The following MORC1 variants were observed in gnomAD, a reference collection of about 807,000 sequenced individuals.
The protein encoded by MORC1 is MORC family CW-type zinc finger 1.
Under a neutral mutation model 134.9 loss-of-function variants are expected in MORC1, and 59 were observed. That is an observed-to-expected ratio of 0.44 (90% CI 0.35 to 0.54). The LOEUF (loss-of-function observed/expected upper bound fraction) is 0.54. Ranked by LOEUF, MORC1 falls within the 20% of genes least tolerant of loss-of-function variation. The pLI is 0.00. For synonymous variants in MORC1, 395 were observed against 391.7 expected, an observed-to-expected ratio of 1.01 and a Z score of -0.10; for missense variants, 947 against 1,134.5, an observed-to-expected ratio of 0.83 and a Z score of 2.37.
chr3:109,024,962 T>C (rs1483364967), intron 17 of MORC1, among the ~76,000 whole-genome samples: 1 of 152,200 alleles, frequency 6.6e-6, no homozygotes, highest in South Asian at 2.1e-4. Flanking sequence ...GAACATTGCA[T>C]GGTTTTTAGT....
intron 1 of MORC1, among the ~76,000 whole-genome samples, chr3:109,115,960 G>A (rs961357173): frequency 2.0e-5 from 3 of 152,160 alleles, no homozygotes; most frequent in African/African-American, 7.2e-5. Context: ...TGAAGGATGA[G>A]AGAATTCACT....
chr3:109,034,507 C>A (rs1433687158), intron 15 of MORC1, among the ~76,000 whole-genome samples: 1 of 152,170 alleles, frequency 6.6e-6, no homozygotes, highest in Non-Finnish European at 1.5e-5. Flanking sequence ...CTTATCCTGA[C>A]ATTCAAGAAT....
At chr3:108,969,636 G>A (rs768799602) in intron 26 of MORC1, 33 bp downstream of exon 26, 9 of 1,570,876 alleles carry the variant, frequency 5.7e-6, no homozygotes, top group Non-Finnish European at 7.9e-6. Flanking sequence ...GGATCATTTA[G>A]AATATAAATG....
chr3:109,116,511 CTG>C (rs1951277797), intron 1 of MORC1, among the ~76,000 whole-genome samples: 1 of 152,224 alleles, frequency 6.6e-6, no homozygotes, highest in Non-Finnish European at 1.5e-5. Flanking sequence ...TGGCTCATGA[CTG>C]TAATCCCAGC....
At chr3:108,982,504 C>T (rs1214471852) in intron 23 of MORC1, among the ~76,000 whole-genome samples, 2 of 149,326 alleles carry the variant, frequency 1.3e-5, no homozygotes, top group Non-Finnish European at 3.0e-5. Context: ...TGCATGTTCT[C>T]ACTCATAGGT....
chr3:108,988,499 T>C (rs1205306501), intron 21 of MORC1, among the ~76,000 whole-genome samples: 1 of 152,178 alleles, frequency 6.6e-6, no homozygotes, highest in African/African-American at 2.4e-5. Flanking sequence ...TTTCTTCTGA[T>C]GCACTGATAT....
At chr3:109,012,026 T>A (rs1948697770) in intron 17 of MORC1, among the ~76,000 whole-genome samples, 1 of 152,254 alleles carries the variant, frequency 6.6e-6, no homozygotes, top group Non-Finnish European at 1.5e-5. Flanking sequence ...TAGAAATATA[T>A]GCCAAATATC....
chr3:108,974,183 G>GT (rs1947484726), intron 24 of MORC1, among the ~76,000 whole-genome samples: 1 of 152,098 alleles, frequency 6.6e-6, no homozygotes, highest in Admixed American at 6.5e-5. Context: ...ATTCTGGTCT[G>GT]TAAGACTGAC....
intron 8 of MORC1, among the ~76,000 whole-genome samples, chr3:109,079,612 A>G (rs967542205): frequency 1.3e-5 from 2 of 152,132 alleles, no homozygotes; most frequent in South Asian, 4.1e-4. Context: ...AAAGCAAAGA[A>G]GCATACCTAC....
At chr3:108,963,388 T>A in intron 27 of MORC1, 26 bp downstream of exon 27, 2 of 1,589,646 alleles carry the variant, frequency 1.3e-6, no homozygotes, top group Non-Finnish European at 1.7e-6. Flanking sequence ...CTACTCCTAC[T>A]GCTCAAATAC....
At chr3:109,046,760 G>C (rs1335324592) in intron 14 of MORC1, among the ~76,000 whole-genome samples, 1 of 152,076 alleles carries the variant, frequency 6.6e-6, no homozygotes, top group African/African-American at 2.4e-5. Context: ...ATGTGTTATA[G>C]GATACATACA....
In MORC1 at chr3:109,118,020, G is replaced by A. The variant is rs759409105; in HGVS notation, c.40C>T (p.Arg14Cys). 16 of 1,609,120 alleles carry A rather than the reference G, an allele frequency of 9.9e-6. No homozygotes were observed. Among genetic ancestry groups the A allele is most frequent in the East Asian group, 2.2e-5 (1 of 44,720 alleles). The change falls in exon 1 of 28, where the codon CGT becomes TGT. Residue 14 changes from arginine to cysteine, a missense_variant. Arg to Cys is a radical substitution (Grantham distance 180, BLOSUM62 -3). Around this residue, in one of 3 missense-constraint regions of MORC1, gnomAD observed 214 missense variants for 281.3 expected, o/e 0.76. Coordinates refer to ENST00000232603, the MANE Select transcript of MORC1 (RefSeq NM_014429.4). ...RYPALQRAQL[R>C]LDFIHANSTT... is the part of the protein sequence containing the mutation. Reference sequence around the variant, plus strand: ...GAGTTGGCGTGGATGAAATCCAGACGCAGCTGGGCCCGCTGAAGCGCAGGG... The same window carrying A: ...GAGTTGGCGTGGATGAAATCCAGACACAGCTGGGCCCGCTGAAGCGCAGGG...
At position 108,971,359 on chromosome 3, in the gene MORC1, C is replaced by A; in HGVS notation, c.2521G>T (p.Glu841Ter). The change falls in exon 25 of 28, where the codon GAA becomes TAA. Residue 841 changes from glutamate to a stop codon, truncating the protein, a stop_gained. Transcript: ENST00000232603. LOFTEE classifies it high-confidence loss of function. ...CAACTTAATGCAGGTTCTTCCAATTCTGATGGTAGCTGATGCTCAGGAAAA... is the reference window on the plus strand; with the variant it reads ...CAACTTAATGCAGGTTCTTCCAATTATGATGGTAGCTGATGCTCAGGAAAA... ...YFFPEHQLPS[E>*]LEEPALSCEL... 6.2e-7 allele frequency: 1 copy of A among 1,613,614 alleles called. No homozygotes were observed. The highest frequency in any genetic ancestry group is 8.5e-7 in the Non-Finnish European group (1 of 1,179,698).
chr3:109,014,806 AAGATATTAT>A (rs1484904757), intron 17 of MORC1, among the ~76,000 whole-genome samples: 1 of 152,202 alleles, frequency 6.6e-6, no homozygotes, highest in African/African-American at 2.4e-5. Flanking sequence ...AAAAGAACTT[AAGATATTAT>A]AGAAAAACAC....
chr3:108,990,900 C>CTCTT (rs1948039728), intron 21 of MORC1, among the ~76,000 whole-genome samples: 1 of 73,598 alleles, frequency 1.4e-5, no homozygotes. Context: ...TTCTCTCTTT[C>CTCTT]TCTCTCTCTC....
intron 8 of MORC1, among the ~76,000 whole-genome samples, chr3:109,090,677 T>C (rs1236323894): frequency 2.5e-5 from 3 of 119,260 alleles, no homozygotes; most frequent in Non-Finnish European, 3.6e-5. Context: ...CTATGTGAAA[T>C]AAATAATGCC....
chr3:109,104,267 T>C (rs1402849690), intron 3 of MORC1, among the ~76,000 whole-genome samples: 1 of 152,140 alleles, frequency 6.6e-6, no homozygotes, highest in Non-Finnish European at 1.5e-5. Flanking sequence ...GACCCCAGGA[T>C]CCTTTGCTCA....
At chr3:109,027,527 T>C (rs1442218784) in intron 17 of MORC1, among the ~76,000 whole-genome samples, 1 of 152,014 alleles carries the variant, frequency 6.6e-6, no homozygotes. Flanking sequence ...CTCACATGCA[T>C]TGTCGTATAG....
At chr3:109,034,544 C>A (rs915407944) in intron 15 of MORC1, among the ~76,000 whole-genome samples, 1 of 152,098 alleles carries the variant, frequency 6.6e-6, no homozygotes, top group African/African-American at 2.4e-5. Flanking sequence ...CAACCTAATA[C>A]TTTTGTCTTA....
Sources: gnomAD v4.1 joint callset for allele counts (sites outside exome capture counted in the v4.1 genomes callset) on GRCh38, gnomAD v4.1.1 for gene constraint, gnomAD v4.1.1 regional missense constraint, MANE v1.5 for transcripts, NCBI Gene and HGNC (gene_info 2026-07-23, HGNC 2026-07-21) for gene names.